The following PLD1 variants were observed in gnomAD, a reference collection of about 807,000 sequenced individuals.
The protein encoded by PLD1 is choline phosphatase 1.
In PLD1, 112 loss-of-function variants were observed where a neutral mutation model predicts 137.1. That is an observed-to-expected ratio of 0.82 (90% CI 0.70 to 0.96). The LOEUF (loss-of-function observed/expected upper bound fraction) is 0.96, where lower values mean the gene tolerates loss of function less well. PLD1 is among the 40% of genes least tolerant of loss of function. The pLI, the probability that PLD1 is intolerant of heterozygous loss-of-function variation, is 0.00. For missense variants in PLD1, 1,321 were observed against 1,342.0 expected, an observed-to-expected ratio of 0.98 and a Z score of 0.24; for synonymous variants, 431 against 454.7, an observed-to-expected ratio of 0.95 and a Z score of 0.66.
At chr3:171,745,955 C>T (rs374777718) in intron 1 of PLD1, among the ~76,000 whole-genome samples, 10 of 152,156 alleles carry the variant, frequency 6.6e-5, no homozygotes, top group African/African-American at 1.7e-4. Flanking sequence ...TCTGGGTGGG[C>T]GTGGGCTCGG....
At chr3:171,776,162 T>A (rs548343782) in intron 1 of PLD1, among the ~76,000 whole-genome samples, 87 of 152,284 alleles carry the variant, frequency 5.7e-4, no homozygotes, top group Middle Eastern at 3.4e-3. Flanking sequence ...GAAGCTGCCA[T>A]CTAAGAAGAC....
chr3:171,800,007 A>G (rs1723581389), intron 1 of PLD1, among the ~76,000 whole-genome samples: 1 of 152,200 alleles, frequency 6.6e-6, no homozygotes, highest in Admixed American at 6.5e-5. Flanking sequence ...ACTGGAATAG[A>G]AAAAGGACAT....
At chr3:171,692,253 A>G (rs977754399) in intron 13 of PLD1, 79 bp downstream of exon 13, 1 of 711,202 alleles carries the variant, frequency 1.4e-6, no homozygotes, top group African/African-American at 1.8e-5. Flanking sequence ...ATAGATTATT[A>G]CTGCCCAGAA....
Position 171,687,478 on chromosome 3 carries a change from T to C in PLD1, c.1646A>G (p.Lys549Arg). The C allele has an allele frequency of 6.2e-7, 1 of 1,614,106 alleles. No homozygotes were observed. Among genetic ancestry groups the C allele is most frequent in the South Asian group, 1.1e-5 (1 of 91,082 alleles). Residue 549 changes from lysine (K) to arginine (R), a missense_variant, in exon 15 of 27, where the codon AAA (lysine) becomes AGA (arginine). Lys to Arg is a conservative substitution (Grantham distance 26). Transcript: ENST00000351298. ...GAACTTTCTTGGCTTTCCTATTCCT[T>C]TCAGTTTTGAATCCACATCATCAAT... is the stretch of plus-strand genomic sequence containing the variant. ...KSIDDVDSKL[K>R]GIGKPRKFSK...
rs1399501831 is a variant in PLD1, at chr3:171,601,258, T to C, written c.*1820A>G. ...AATTACTTATAAGGGAAAGGGTCCTTTCAGGCTTTTTTCATGAGAGTAGGG... is the reference window on the plus strand; with the variant it reads ...AATTACTTATAAGGGAAAGGGTCCTCTCAGGCTTTTTTCATGAGAGTAGGG... On this transcript the variant is annotated 3_prime_UTR_variant, in exon 27 of 27. Coordinates refer to ENST00000351298, the MANE Select transcript of PLD1 (RefSeq NM_002662.5). 5 of 152,148 alleles carry C rather than the reference T, an allele frequency of 3.3e-5. No homozygotes were observed. The highest frequency in any genetic ancestry group is 3.3e-4 in the Admixed American group (5 of 15,272). 9.4% of individuals were successfully genotyped at this position (152,148 alleles called of 1,614,324 possible). A position where few individuals can be genotyped will look rare whatever the true frequency, so the allele number is the denominator to read the frequency against.
intron 25 of PLD1, among the ~76,000 whole-genome samples, chr3:171,607,020 G>A (rs945204409): frequency 6.6e-6 from 1 of 152,168 alleles, no homozygotes; most frequent in Non-Finnish European, 1.5e-5. Flanking sequence ...GTTCAAGTCT[G>A]TAGATATTAA....
intron 13 of PLD1, 67 bp from the exon 14 acceptor site, chr3:171,688,943 G>A: frequency 1.7e-6 from 2 of 1,175,944 alleles, no homozygotes; most frequent in Non-Finnish European, 2.5e-6. Flanking sequence ...AATGAAATAG[G>A]TCTGTGTTCT....
At chr3:171,660,436 T>C (rs926553434) in intron 20 of PLD1, among the ~76,000 whole-genome samples, 8 of 152,212 alleles carry the variant, frequency 5.3e-5, no homozygotes, top group Admixed American at 1.3e-4. Flanking sequence ...CTACATGTCA[T>C]GTCCTTTACT....
intron 7 of PLD1, 51 bp downstream of exon 7, chr3:171,725,967 G>C: frequency 8.2e-7 from 1 of 1,226,306 alleles, no homozygotes. Context: ...CGTTAAGTGT[G>C]AATGCAAATC....
intron 1 of PLD1, among the ~76,000 whole-genome samples, chr3:171,810,121 C>T (rs187635426): frequency 7.2e-4 from 110 of 152,374 alleles, no homozygotes; most frequent in Middle Eastern, 3.4e-3. Flanking sequence ...TCAGCCTGAG[C>T]CTGCGCGGCT....
At chr3:171,637,648 T>C (rs532815440) in intron 23 of PLD1, among the ~76,000 whole-genome samples, 5 of 152,132 alleles carry the variant, frequency 3.3e-5, no homozygotes, top group African/African-American at 9.7e-5. Flanking sequence ...AAATGTGTCA[T>C]TGGGTGATTT....
chr3:171,714,017 A>G lies in PLD1; in HGVS notation c.787T>C (p.Leu263=), dbSNP rs1392550154. ...RWLIVKDSFL[L]YMKPDSGAIA... is the part of the protein sequence containing the mutation. ...GCACCGCTGTCTGGTTTCATATACA[A>G]TAAAAAGGAATCTTTCACTATTAAC... Residue 263 remains leucine (L), a synonymous_variant, in exon 9 of 27, where the codon TTG becomes CTG. Coordinates refer to ENST00000351298, the MANE Select transcript of PLD1 (RefSeq NM_002662.5). The G allele has an allele frequency of 1.2e-6, 2 of 1,607,062 alleles. No homozygotes were observed. Among genetic ancestry groups the G allele is most frequent in the Admixed American group, 1.7e-5 (1 of 59,908 alleles).
At chr3:171,726,129 G>C in intron 6 of PLD1, 53 bp from the exon 7 acceptor site, 1 of 1,242,616 alleles carries the variant, frequency 8.0e-7, no homozygotes, top group Non-Finnish European at 1.2e-6. Flanking sequence ...TCAAATTTAT[G>C]CATTAAAAAA....
chr3:171,780,031 T>A (rs1722736475), intron 1 of PLD1, among the ~76,000 whole-genome samples: 1 of 151,996 alleles, frequency 6.6e-6, no homozygotes. Flanking sequence ...GGGGTTTATA[T>A]ACATAAGTCT....
At chr3:171,676,667 G>A in intron 18 of PLD1, 48 bp downstream of exon 18, 1 of 1,408,954 alleles carries the variant, frequency 7.1e-7, no homozygotes. Context: ...CTCTAGTTAG[G>A]CCTGCCTCTC....
At chr3:171,682,734 T>G (rs1714139505) in intron 16 of PLD1, among the ~76,000 whole-genome samples, 1 of 152,188 alleles carries the variant, frequency 6.6e-6, no homozygotes, top group African/African-American at 2.4e-5. Flanking sequence ...GGGATTGTTC[T>G]GGTTGAAGAG....
chr3:171,764,949 A>AGGAAGGAAG (rs1411351484), intron 1 of PLD1, among the ~76,000 whole-genome samples: 5 of 35,626 alleles, frequency 1.4e-4, no homozygotes, highest in African/African-American at 3.3e-4. Context: ...AAAGAAAGAA[A>AGGAAGGAAG]GAAAGAAAGA....
At chr3:171,611,856 G>A (rs1388288917) in intron 25 of PLD1, among the ~76,000 whole-genome samples, 1 of 152,144 alleles carries the variant, frequency 6.6e-6, no homozygotes, top group East Asian at 1.9e-4. Context: ...AAGGCAGGAG[G>A]ATCACTTAAA....
At chr3:171,704,058 G>A (rs1371098196) in intron 11 of PLD1, among the ~76,000 whole-genome samples, 1 of 152,194 alleles carries the variant, frequency 6.6e-6, no homozygotes, top group Non-Finnish European at 1.5e-5. Flanking sequence ...AAAAATTGGG[G>A]AGAGGAGCTC....
Sources: allele counts gnomAD v4.1 joint callset (sites outside exome capture counted in the v4.1 genomes callset), GRCh38; gene constraint gnomAD v4.1.1; transcripts MANE v1.5; gene names NCBI Gene and HGNC (gene_info 2026-07-23, HGNC 2026-07-21).